STK3: variants seen among roughly 807,000 people sequenced by gnomAD.
STK3 encodes the protein serine/threonine kinase 3.
A neutral mutation model predicts 58.0 loss-of-function variants in STK3; 41 were observed. The ratio of observed to expected loss-of-function variants is 0.71; its 90% CI spans 0.55 to 0.92. STK3 has a LOEUF of 0.92. Ranked by LOEUF, STK3 falls within the 40% of genes least tolerant of loss-of-function variation. STK3 has a pLI of 0.00. For missense variants in STK3, 479 were observed against 602.7 expected (o/e 0.79, Z 2.15); for synonymous variants, 170 against 191.0 (o/e 0.89, Z 0.91).
intron 3 of STK3, among the ~76,000 whole-genome samples, chr8:98,851,440 G>A (rs1247005358): frequency 1.3e-5 from 2 of 152,216 alleles, no homozygotes; most frequent in East Asian, 1.9e-4. Flanking sequence ...CATTCTCTGA[G>A]CATCTTATCT....
At chr8:98,849,225 C>CA (rs1013187542) in intron 3 of STK3, among the ~76,000 whole-genome samples, 1,427 of 51,220 alleles carry the variant, frequency 0.028, 27 homozygotes, top group African/African-American at 0.064. Context: ...GACTCCATCT[C>CA]AAAAAAAAAA....
intron 1 of STK3, among the ~76,000 whole-genome samples, chr8:98,784,630 C>T (rs996779490): frequency 3.9e-5 from 6 of 152,316 alleles, no homozygotes; most frequent in African/African-American, 1.4e-4. Flanking sequence ...CACATGCAGG[C>T]AGATCTAGAG....
chr8:98,702,070 G>T (rs1392525467), intron 6 of STK3, among the ~76,000 whole-genome samples: 2 of 152,124 alleles, frequency 1.3e-5, no homozygotes, highest in Non-Finnish European at 2.9e-5. Context: ...CCACAGTGAA[G>T]ATTCGGTTTA....
Position 98,680,767 on chromosome 8 carries a change from C to T in STK3, c.684+25700G>A, listed in dbSNP as rs557853526. 7.9e-5 allele frequency among the ~76,000 whole-genome samples: 12 copies of T among 152,044 alleles called. No homozygotes were observed. The East Asian group carries it at 9.6e-4, about 12-fold the overall frequency. On this transcript the variant is annotated intron_variant, in intron 6 of 10. Transcript: ENST00000419617. ...GCAACATTTTATCCAAAACTACAAA[C>T]GATTTAAGATCCAGAGAACTAAATA...
chr8:98,401,291 C>T (rs1267200181), downstream of STK3: 1 of 152,240 alleles, frequency 6.6e-6, no homozygotes, highest in Non-Finnish European at 1.5e-5. Context: ...TGCTGGGACT[C>T]CAGCTGCAAC....
At chr8:98,599,911 C>T (rs767284759) in intron 6 of STK3, among the ~76,000 whole-genome samples, 11 of 151,524 alleles carry the variant, frequency 7.3e-5, no homozygotes, top group African/African-American at 1.9e-4. Context: ...GAGGTTACAA[C>T]GAGCCAAGAT....
chr8:98,872,068 T>G (rs1473076204), intron 3 of STK3, among the ~76,000 whole-genome samples: 9 of 152,264 alleles, frequency 5.9e-5, no homozygotes, highest in East Asian at 1.9e-4. Flanking sequence ...GTTGAATTTT[T>G]TCAAAGGCCT....
chr8:98,473,456 C>T (rs1821076183), intron 10 of STK3, among the ~76,000 whole-genome samples: 2 of 152,148 alleles, frequency 1.3e-5, no homozygotes, highest in South Asian at 4.1e-4. Context: ...TGCCTTGACT[C>T]ACGGCCATTC....
chr8:98,459,025 C>A (rs1248064600), intron 10 of STK3, among the ~76,000 whole-genome samples: 1 of 152,116 alleles, frequency 6.6e-6, no homozygotes, highest in Non-Finnish European at 1.5e-5. Context: ...GGGTAATGGG[C>A]AGAGGTTGGA....
At chr8:98,804,424 T>C (rs1270524893) in intron 1 of STK3, among the ~76,000 whole-genome samples, 1 of 152,210 alleles carries the variant, frequency 6.6e-6, no homozygotes, top group Non-Finnish European at 1.5e-5. Flanking sequence ...GAGTAATAAA[T>C]GGCAAAACAG....
chr8:98,401,201 G>A (rs142756385), downstream of STK3, among the ~76,000 whole-genome samples: 1 of 152,128 alleles, frequency 6.6e-6, no homozygotes, highest in Non-Finnish European at 1.5e-5. Flanking sequence ...GAGAGAAATC[G>A]CAAGAAGCCC....
At chr8:98,892,102 G>C (rs903631298) in intron 1 of STK3, among the ~76,000 whole-genome samples, 1 of 152,104 alleles carries the variant, frequency 6.6e-6, no homozygotes, top group African/African-American at 2.4e-5. Flanking sequence ...TATAGACCCA[G>C]GTCACGGATG....
chr8:98,511,368 C>G (rs1465946767), intron 10 of STK3, among the ~76,000 whole-genome samples: 1 of 151,784 alleles, frequency 6.6e-6, no homozygotes, highest in Admixed American at 6.6e-5. Context: ...TAATTTGCAT[C>G]TATTAAGGAT....
intron 1 of STK3, among the ~76,000 whole-genome samples, chr8:98,441,111 C>G (rs1024338653): frequency 6.6e-6 from 1 of 152,178 alleles, no homozygotes; most frequent in Middle Eastern, 3.2e-3. Flanking sequence ...TGTAATTCCA[C>G]GATAGTTGAA....
intron 6 of STK3, among the ~76,000 whole-genome samples, chr8:98,619,152 G>T (rs1206486887): frequency 6.6e-6 from 1 of 150,494 alleles, no homozygotes; most frequent in Non-Finnish European, 1.5e-5. Context: ...GCCCTCAGAA[G>T]TAACGCCGCA....
chr8:98,817,424 A>G (rs1433104704), intron 1 of STK3, among the ~76,000 whole-genome samples: 1 of 147,424 alleles, frequency 6.8e-6, no homozygotes, highest in Non-Finnish European at 1.5e-5. Context: ...ATTGCATTCC[A>G]GCCTGGGCGA....
At chr8:98,823,474 G>A (rs77847061) in intron 1 of STK3, among the ~76,000 whole-genome samples, 3,418 of 152,272 alleles carry the variant, frequency 0.022, 67 homozygotes, top group East Asian at 0.088. Context: ...ACAAGAGGGT[G>A]CACAGCCTTT....
chr8:98,633,467 G>C (rs1819403772), intron 6 of STK3: 1 of 588,968 alleles, frequency 1.7e-6, no homozygotes, highest in Non-Finnish European at 3.1e-6. Context: ...AGTTGGTACT[G>C]ATCCAGAAGA....
downstream of STK3, among the ~76,000 whole-genome samples, chr8:98,400,483 A>G (rs1817932115): frequency 1.3e-5 from 2 of 152,310 alleles, no homozygotes; most frequent in South Asian, 4.1e-4. Flanking sequence ...CAGCTCAGCA[A>G]TCTCTCTCAC....
Sources: allele counts gnomAD v4.1 joint callset (sites outside exome capture counted in the v4.1 genomes callset), GRCh38; gene constraint gnomAD v4.1.1; transcripts MANE v1.5; gene names NCBI Gene and HGNC (gene_info 2026-07-23, HGNC 2026-07-21).